Variants in DOCK4 observed in about 807,000 individuals in gnomAD.
DOCK4 encodes dedicator of cytokinesis 4, also known as dedicator of cytokinesis protein 4.
In DOCK4, 97 loss-of-function variants were observed where a neutral mutation model predicts 268.1. That is an observed-to-expected ratio of 0.36 (90% CI 0.31 to 0.43). The LOEUF (loss-of-function observed/expected upper bound fraction) is 0.43, where lower values mean the gene tolerates loss of function less well. Among genes scored for constraint, DOCK4 ranks in the 20% least tolerant of loss-of-function variants. DOCK4 has a pLI of 1.00. For missense variants in DOCK4, 2,145 were observed against 2,455.7 expected (o/e 0.87, Z 2.67); for synonymous variants, 954 against 887.2 (o/e 1.08, Z -1.34).
chr7:111,856,925 T>C (rs1359434623), intron 23 of DOCK4, among the ~76,000 whole-genome samples: 1 of 152,234 alleles, frequency 6.6e-6, no homozygotes, highest in African/African-American at 2.4e-5. Context: ...GCAATGGTCC[T>C]GCATTATTAC....
intron 36 of DOCK4, among the ~76,000 whole-genome samples, chr7:111,771,607 G>A (rs1248510888): frequency 1.3e-5 from 2 of 152,156 alleles, no homozygotes. Flanking sequence ...GAAGGGTGCT[G>A]TTATTTTAAC....
rs754293240 is a variant in DOCK4 at position 111,728,462 on chromosome 7, C to T, written c.5740G>A (p.Val1914Ile). The T allele has an allele frequency of 6.2e-6, 10 of 1,609,684 alleles. No individual in the cohort carries two copies. The East Asian group carries it at 8.9e-5, about 14-fold the overall frequency. Residue 1914 changes from valine to isoleucine, a missense_variant, in exon 53 of 53, where the codon GTC becomes ATC. Physicochemically the swap from Val to Ile is conservative, Grantham distance 29. Coordinates refer to ENST00000428084, the MANE Select transcript of DOCK4 (RefSeq NM_001363540.2). The stretch of plus-strand genomic sequence containing the variant: ...GGGCGCCGCAGAGTCCGCTCGTAGA[C>T]GCTGTACGGGGGCGGAGTCTTGCTC... Reference protein sequence around the residue: ...KESKTPPPYSVYERTLRRPVP... With the variant: ...KESKTPPPYSIYERTLRRPVP...
chr7:112,119,609 A>G (rs977201453), intron 1 of DOCK4, among the ~76,000 whole-genome samples: 10 of 152,154 alleles, frequency 6.6e-5, no homozygotes, highest in Non-Finnish European at 1.2e-4. Context: ...GCCCTTTCAT[A>G]AGGAAACAGA....
intron 13 of DOCK4, among the ~76,000 whole-genome samples, chr7:111,914,851 AG>A (rs1344165837): frequency 3.9e-5 from 6 of 152,288 alleles, no homozygotes; most frequent in Admixed American, 6.5e-5. Context: ...TGTTGTGTTC[AG>A]TTTTATAGCC....
chr7:112,195,608 T>C (rs1195356369), intron 1 of DOCK4, among the ~76,000 whole-genome samples: 1 of 152,022 alleles, frequency 6.6e-6, no homozygotes, highest in East Asian at 1.9e-4. Context: ...CGGTTGGGGC[T>C]ATTTTCGGTT....
intron 1 of DOCK4, among the ~76,000 whole-genome samples, chr7:112,047,763 G>A (rs1030950194): frequency 2.0e-5 from 3 of 152,188 alleles, no homozygotes; most frequent in Non-Finnish European, 4.4e-5. Context: ...CATGATTATA[G>A]CTCACCACAG....
At chr7:112,092,816 T>C (rs538076485) in intron 1 of DOCK4, among the ~76,000 whole-genome samples, 164 of 152,060 alleles carry the variant, frequency 1.1e-3, no homozygotes, top group South Asian at 3.1e-3. Flanking sequence ...CCTAAGAAGA[T>C]GAAATGAAAA....
intron 1 of DOCK4, among the ~76,000 whole-genome samples, chr7:112,017,292 G>T (rs1404448832): frequency 6.6e-6 from 1 of 152,178 alleles, no homozygotes; most frequent in African/African-American, 2.4e-5. Flanking sequence ...ACTACAGTGA[G>T]CATCTTACAA....
intron 1 of DOCK4, among the ~76,000 whole-genome samples, chr7:112,112,670 G>C (rs1171374821): frequency 6.6e-6 from 1 of 151,884 alleles, no homozygotes; most frequent in Non-Finnish European, 1.5e-5. Flanking sequence ...GAAGATGCTG[G>C]AACCATGCTT....
chr7:112,107,511 C>T (rs1367979511), intron 1 of DOCK4, among the ~76,000 whole-genome samples: 2 of 152,198 alleles, frequency 1.3e-5, no homozygotes, highest in Non-Finnish European at 2.9e-5. Flanking sequence ...TCTTGGACTT[C>T]CAACCTCCAG....
At chr7:112,118,914 T>A (rs113047468) in intron 1 of DOCK4, among the ~76,000 whole-genome samples, 1 of 152,150 alleles carries the variant, frequency 6.6e-6, no homozygotes, top group Admixed American at 6.5e-5. Context: ...TAAATGTAGA[T>A]GTGCCTTTCC....
At chr7:111,782,306 G>T (rs1186758232) in intron 35 of DOCK4, among the ~76,000 whole-genome samples, 1 of 152,086 alleles carries the variant, frequency 6.6e-6, no homozygotes, top group Non-Finnish European at 1.5e-5. Flanking sequence ...GTCCTGCTTG[G>T]TCATCCTAGT....
chr7:112,133,897 T>A (rs1369129834), intron 1 of DOCK4, among the ~76,000 whole-genome samples: 1 of 152,128 alleles, frequency 6.6e-6, no homozygotes, highest in African/African-American at 2.4e-5. Flanking sequence ...CTTCCTCAAA[T>A]GGTTTGTGAA....
At chr7:111,972,939 C>A (rs1182720180) in intron 8 of DOCK4, among the ~76,000 whole-genome samples, 5 of 151,564 alleles carry the variant, frequency 3.3e-5, no homozygotes, top group African/African-American at 1.2e-4. Context: ...TATCTCTAAT[C>A]ACCCTCCCAC....
chr7:112,105,735 C>T (rs1381862913), intron 1 of DOCK4, among the ~76,000 whole-genome samples: 1 of 144,668 alleles, frequency 6.9e-6, no homozygotes, highest in Non-Finnish European at 1.5e-5. Flanking sequence ...GTCACCTAGG[C>T]TGGAGTGCAG....
chr7:111,817,880 C>G (rs1801676332), intron 27 of DOCK4, among the ~76,000 whole-genome samples: 2 of 152,130 alleles, frequency 1.3e-5, no homozygotes, highest in African/African-American at 4.8e-5. Context: ...TTCTCAACTC[C>G]TATTCACTCT....
At chr7:112,127,713 A>G (rs1212715293) in intron 1 of DOCK4, among the ~76,000 whole-genome samples, 1 of 152,190 alleles carries the variant, frequency 6.6e-6, no homozygotes, top group African/African-American at 2.4e-5. Flanking sequence ...TACATCACCA[A>G]TGAGTATGTG....
intron 1 of DOCK4, among the ~76,000 whole-genome samples, chr7:112,177,315 T>A (rs1200321372): frequency 6.6e-6 from 1 of 152,204 alleles, no homozygotes; most frequent in African/African-American, 2.4e-5. Context: ...CCGAAATACA[T>A]AGATGATAAT....
intron 1 of DOCK4, among the ~76,000 whole-genome samples, chr7:112,115,755 C>T (rs1178088710): frequency 6.6e-6 from 1 of 152,070 alleles, no homozygotes; most frequent in East Asian, 1.9e-4. Flanking sequence ...GATCATAGGT[C>T]ACTGCAGCCT....
Sources: allele counts gnomAD v4.1 joint callset (sites outside exome capture counted in the v4.1 genomes callset), GRCh38; gene constraint gnomAD v4.1.1; transcripts MANE v1.5; gene names NCBI Gene and HGNC (gene_info 2026-07-23, HGNC 2026-07-21).